CDK5RAP1: variants seen among roughly 807,000 people sequenced by gnomAD.
The protein encoded by CDK5RAP1 is CDK5RAP1 mitochondrial tRNA methylthiotransferase, also known as mitochondrial tRNA methylthiotransferase CDK5RAP1.
Under a neutral mutation model 64.5 loss-of-function variants are expected in CDK5RAP1, and 62 were observed. The ratio of observed to expected loss-of-function variants is 0.96; its 90% CI spans 0.78 to 1.19. CDK5RAP1 has a LOEUF of 1.19. Among genes scored for constraint, CDK5RAP1 ranks in the 50% most tolerant of loss-of-function variants. CDK5RAP1 has a pLI of 0.00. For missense variants in CDK5RAP1, 657 were observed against 735.0 expected, an observed-to-expected ratio of 0.89 and a Z score of 1.23; for synonymous variants, 250 against 261.9, an observed-to-expected ratio of 0.95 and a Z score of 0.44.
chr20:33,398,268 G>A (rs553994866), intron 1 of CDK5RAP1, among the ~76,000 whole-genome samples: 4 of 151,654 alleles, frequency 2.6e-5, no homozygotes, highest in African/African-American at 9.7e-5. Context: ...TGAGGCTGGT[G>A]GATCACTTCA....
chr20:33,359,239 G>C (rs1220637267), intron 13 of CDK5RAP1, 116 bp from the exon 14 acceptor site: 2 of 727,810 alleles, frequency 2.7e-6, no homozygotes, highest in African/African-American at 3.5e-5. Flanking sequence ...CGACCGGCTG[G>C]CAGAGACCAC....
In CDK5RAP1 at chr20:33,372,695, T is replaced by C. The variant is rs1568691585; in HGVS notation, c.1208A>G (p.Tyr403Cys). 8 of 1,581,414 alleles carry C rather than the reference T, an allele frequency of 5.1e-6. No individual in the cohort carries two copies. Among genetic ancestry groups the C allele is most frequent in the Non-Finnish European group, 6.9e-6 (8 of 1,162,718 alleles). ...TAACTCCACATAAGCTTCTCTTGAA[T>C]ATCTGCAATAAAGAACAAAAGGAAA... ...SRVLEAMRRG[Y>C]SREAYVELVH... The change falls in exon 10 of 14, where the codon TAT becomes TGT. Residue 403 changes from tyrosine to cysteine, a missense_variant and splice_region_variant. Coordinates refer to ENST00000346416, the MANE Select transcript of CDK5RAP1 (RefSeq NM_016408.4).
At chr20:33,401,405 A>G in intron 1 of CDK5RAP1, 23 bp downstream of exon 1, 1 of 985,354 alleles carries the variant, frequency 1.0e-6, no homozygotes, top group Non-Finnish European at 1.2e-6. Flanking sequence ...TGCGCAGCCC[A>G]CCCCGGCGGC....
At chr20:33,387,808 T>G (rs1987646945) in intron 5 of CDK5RAP1, among the ~76,000 whole-genome samples, 1 of 152,114 alleles carries the variant, frequency 6.6e-6, no homozygotes, top group African/African-American at 2.4e-5. Flanking sequence ...GGCTCATGGC[T>G]GTAATCCCCA....
intron 5 of CDK5RAP1, among the ~76,000 whole-genome samples, 161 bp from the exon 6 acceptor site, chr20:33,387,694 G>A (rs1448152535): frequency 6.6e-6 from 1 of 152,050 alleles, no homozygotes; most frequent in African/African-American, 2.4e-5. Flanking sequence ...CACTCCCATC[G>A]CACTGGAGCC....
At chr20:33,364,715 C>T (rs1404938046) in intron 12 of CDK5RAP1, among the ~76,000 whole-genome samples, 1 of 151,938 alleles carries the variant, frequency 6.6e-6, no homozygotes, top group Non-Finnish European at 1.5e-5. Flanking sequence ...ACTGGGATTA[C>T]AGGCATGTGC....
At chr20:33,360,237 G>C in intron 13 of CDK5RAP1, 114 bp downstream of exon 13, 1 of 972,566 alleles carries the variant, frequency 1.0e-6, no homozygotes, top group Non-Finnish European at 1.5e-6. Context: ...TACTGGTTGA[G>C]AGGGGATTTT....
At chr20:33,376,776 G>C (rs1986047702) in intron 8 of CDK5RAP1, among the ~76,000 whole-genome samples, 1 of 152,166 alleles carries the variant, frequency 6.6e-6, no homozygotes, top group South Asian at 2.1e-4. Flanking sequence ...GATCTGGGCA[G>C]AGTAAACTGA....
intron 2 of CDK5RAP1, 42 bp from the exon 3 acceptor site, chr20:33,395,158 C>A (rs377297199): frequency 8.6e-6 from 10 of 1,159,818 alleles, no homozygotes; most frequent in Non-Finnish European, 1.2e-5. Flanking sequence ...AGACAGACAA[C>A]AAGGGGTCTC....
intron 6 of CDK5RAP1, among the ~76,000 whole-genome samples, 160 bp from the exon 7 acceptor site, chr20:33,385,930 T>C (rs577884222): frequency 2.6e-4 from 40 of 152,328 alleles, no homozygotes; most frequent in African/African-American, 9.1e-4. Context: ...AAAGTAGACC[T>C]TTTTTATCTT....
At chr20:33,362,060 G>A (rs532419747) in intron 12 of CDK5RAP1, among the ~76,000 whole-genome samples, 2 of 151,880 alleles carry the variant, frequency 1.3e-5, no homozygotes, top group African/African-American at 4.8e-5. Context: ...ATTCAAGTAC[G>A]GAAGTGGTGG....
Position 33,361,524 on chromosome 20 carries a change from A to T in CDK5RAP1, c.1543-1033T>A, listed in dbSNP as rs56934712. On this transcript the variant is annotated intron_variant, in intron 12 of 13. Coordinates refer to ENST00000346416, the MANE Select transcript of CDK5RAP1 (RefSeq NM_016408.4). The stretch of plus-strand genomic sequence containing the variant: ...GGCCTGGAATCCACTACCAAATAGA[A>T]GAGTTTATGGATTTGTCACAGTCAT... Among the ~76,000 whole-genome samples, 6 of 152,246 alleles carry T rather than the reference A, an allele frequency of 3.9e-5. No individual in the cohort carries two copies. In the East Asian group the frequency reaches 1.2e-3, roughly 29 times the overall value.
chr20:33,363,478 G>A (rs1983307272), intron 12 of CDK5RAP1, among the ~76,000 whole-genome samples: 2 of 152,138 alleles, frequency 1.3e-5, no homozygotes, highest in Non-Finnish European at 2.9e-5. Context: ...TACAGTATTT[G>A]GGGGTTTGGG....
Position 33,370,424 on chromosome 20 carries a change from C to T in CDK5RAP1, c.1392+75G>A, listed in dbSNP as rs1984788045. On this transcript the variant is annotated intron_variant, in intron 11 of 13. Transcript: ENST00000346416. ...GACTGCCTTGCCGCCACTCTCTTTT[C>T]TGCCCTGTTCTCTACAGTCACCACC... The T allele has an allele frequency of 3.3e-6, 5 of 1,511,978 alleles. No individual in the cohort carries two copies. In the African/African-American group the frequency reaches 5.5e-5, roughly 17 times the overall value. The allele number at this position is 1,511,978 out of a possible 1,614,324, so 93.7% of individuals were successfully genotyped here. A position where few individuals can be genotyped will look rare whatever the true frequency, so the allele number is the denominator to read the frequency against.
intron 11 of CDK5RAP1, among the ~76,000 whole-genome samples, chr20:33,368,191 C>G (rs1984333869): frequency 6.6e-6 from 1 of 152,182 alleles, no homozygotes; most frequent in Non-Finnish European, 1.5e-5. Flanking sequence ...GATTAAGTTC[C>G]TATAACCTTA....
chr20:33,377,753 G>A lies in CDK5RAP1; in HGVS notation c.1107+1708C>T, dbSNP rs202193358. 6.6e-5 allele frequency among the ~76,000 whole-genome samples: 10 copies of A among 152,284 alleles called. No individual in the cohort carries two copies. In the East Asian group the frequency reaches 1.9e-3, roughly 29 times the overall value. On this transcript the variant is annotated intron_variant, in intron 8 of 13. Coordinates refer to ENST00000346416, the MANE Select transcript of CDK5RAP1 (RefSeq NM_016408.4). ...TGCAACCTCTGCCTCCCGGGTTCAA[G>A]CAATTCTCCTGCCTCAGCCTCCCAA...
intron 5 of CDK5RAP1, among the ~76,000 whole-genome samples, chr20:33,388,791 G>C (rs1190472805): frequency 6.6e-6 from 1 of 152,062 alleles, no homozygotes; most frequent in East Asian, 1.9e-4. Context: ...CGCCTGACTG[G>C]TTTTCGTATT....
Position 33,372,654 on chromosome 20 carries a change from C to T in CDK5RAP1, c.1249G>A (p.Glu417Lys). The stretch of plus-strand genomic sequence containing the variant: ...TTCTTAAATGTACCTGGAATAGATT[C>T]TCTAATATGGTGAACTAACTCCACA... ...AYVELVHHIR[E>K]SIPGVSLSSD... The change falls in exon 10 of 14, where the codon GAA (glutamate) becomes AAA (lysine). Residue 417 changes from glutamate (E) to lysine (K), a missense_variant. Glu to Lys is a moderately conservative substitution (Grantham distance 56). Coordinates refer to ENST00000346416, the MANE Select transcript of CDK5RAP1 (RefSeq NM_016408.4). 1.3e-6 allele frequency: 2 copies of T among 1,549,622 alleles called. No homozygotes were observed. The highest frequency in any genetic ancestry group is 2.5e-5 in the South Asian group (2 of 81,540).
chr20:33,372,912 AC>A, intron 9 of CDK5RAP1: 1 of 336,540 alleles, frequency 3.0e-6, no homozygotes, highest in Non-Finnish European at 5.1e-6. Flanking sequence ...AAGGACATAA[AC>A]TTTTTTTTTT....
Sources: gnomAD v4.1 joint callset for allele counts (sites outside exome capture counted in the v4.1 genomes callset) on GRCh38, gnomAD v4.1.1 for gene constraint, MANE v1.5 for transcripts, NCBI Gene and HGNC (gene_info 2026-07-23, HGNC 2026-07-21) for gene names.